ZGRF1: variants seen among roughly 807,000 people sequenced by gnomAD.
ZGRF1 encodes 5'-3' DNA helicase ZGRF1.
ZGRF1 carries 196 observed loss-of-function variants against 203.5 expected under a neutral mutation model. The observed-to-expected ratio is 0.96, with a 90% CI of 0.86 to 1.08. The LOEUF (loss-of-function observed/expected upper bound fraction) is 1.08. Among genes scored for constraint, ZGRF1 ranks in the 50% least tolerant of loss-of-function variants. ZGRF1 has a pLI of 0.00. For missense variants in ZGRF1, 2,326 were observed against 2,416.3 expected (o/e 0.96, Z 0.78); for synonymous variants, 809 against 841.3 (o/e 0.96, Z 0.66).
At chr4:112,572,460 G>T (rs934975680) in intron 16 of ZGRF1, among the ~76,000 whole-genome samples, 2 of 152,018 alleles carry the variant, frequency 1.3e-5, no homozygotes, top group Non-Finnish European at 2.9e-5. Context: ...TAGAACATCA[G>T]AAAAACCCTT....
intron 10 of ZGRF1, among the ~76,000 whole-genome samples, chr4:112,593,364 T>A (rs938783792): frequency 1.3e-5 from 2 of 152,206 alleles, no homozygotes; most frequent in Non-Finnish European, 2.9e-5. Flanking sequence ...CATCAAAGCA[T>A]TCTCTTAACT....
At chr4:112,602,877 A>C (rs1750191793) in intron 10 of ZGRF1, among the ~76,000 whole-genome samples, 1 of 152,184 alleles carries the variant, frequency 6.6e-6, no homozygotes, top group Admixed American at 6.5e-5. Context: ...TATCTTAGGG[A>C]AAAGTGAAAA....
Position 112,548,358 on chromosome 4 carries a change from C to G in ZGRF1, c.5369G>C (p.Cys1790Ser). The G allele has an allele frequency of 6.4e-7, 1 of 1,554,758 alleles. No individual in the cohort carries two copies. The highest frequency in any genetic ancestry group is 8.7e-7 in the Non-Finnish European group (1 of 1,148,570). Residue 1790 changes from cysteine to serine, a missense_variant, in exon 23 of 28, where the codon TGT (cysteine) becomes TCT (serine). Coordinates refer to ENST00000505019, the MANE Select transcript of ZGRF1 (RefSeq NM_018392.5). ...LKQVRVVGVT[C>S]AACPFPCMND... ...CATGCATGGGAATGGGCAGGCTGCA[C>G]AGGTAACTCCAACTACTCGAACCTT...
chr4:112,549,246 A>G (rs1739425968), intron 22 of ZGRF1, among the ~76,000 whole-genome samples: 1 of 152,206 alleles, frequency 6.6e-6, no homozygotes. Flanking sequence ...CAAGGCAAAA[A>G]GCTTCATAAA....
chr4:112,574,226 A>C (rs1321974812), intron 16 of ZGRF1, among the ~76,000 whole-genome samples: 2 of 152,240 alleles, frequency 1.3e-5, no homozygotes, highest in African/African-American at 2.4e-5. Flanking sequence ...CCCAAACAAC[A>C]ATGAAAACAA....
At position 112,587,636 on chromosome 4, in the gene ZGRF1, A is replaced by G. The variant is rs759864820; in HGVS notation, c.3421T>C (p.Ser1141Pro). The change falls in exon 12 of 28, where the codon TCT becomes CCT. Residue 1141 changes from serine (S) to proline (P), a missense_variant. Ser to Pro is a moderately conservative substitution (Grantham distance 74). Coordinates refer to ENST00000505019, the MANE Select transcript of ZGRF1 (RefSeq NM_018392.5). ...TATTTCAGCCACTTGCTCTGAGTAGATATATTATTAAGTGAAACATCCCCT... is the reference window on the plus strand; with the variant it reads ...TATTTCAGCCACTTGCTCTGAGTAGGTATATTATTAAGTGAAACATCCCCT... ...NPGDVSLNNI[S>P]TQSKWLKYQN... The G allele has an allele frequency of 1.9e-6, 3 of 1,613,804 alleles. No individual in the cohort carries two copies. The South Asian group carries it at 3.3e-5, about 18-fold the overall frequency.
intron 3 of ZGRF1, 67 bp from the exon 4 acceptor site, chr4:112,623,943 G>T: frequency 2.6e-6 from 2 of 780,264 alleles, no homozygotes; most frequent in South Asian, 1.6e-5. Context: ...ACTTCTTCAA[G>T]AGGAAATAAG....
chr4:112,563,345 T>C (rs906471734), intron 16 of ZGRF1, 71 bp from the exon 17 acceptor site: 1 of 1,113,800 alleles, frequency 9.0e-7, no homozygotes, highest in East Asian at 2.6e-5. Flanking sequence ...AGAAATTATA[T>C]ATATTTGCAT....
In ZGRF1 at chr4:112,617,649, T is replaced by C. The variant is rs759257187; in HGVS notation, c.2393A>G (p.His798Arg). Residue 798 changes from histidine to arginine, a missense_variant, in exon 6 of 28, where the codon CAT (histidine) becomes CGT (arginine). By Grantham distance (29) the His-to-Arg change is conservative. Coordinates refer to ENST00000505019, the MANE Select transcript of ZGRF1 (RefSeq NM_018392.5). ...LGKIRSPPPD[H>R]VEVETAREGK... ...TTCTCTGGCAGTTTCAACCTCAACA[T>C]GGTCAGGGGGTGGACTTCTAATCTT... is the stretch of plus-strand genomic sequence containing the variant. 1.9e-6 allele frequency: 3 copies of C among 1,613,752 alleles called. No individual in the cohort carries two copies. The highest frequency in any genetic ancestry group is 1.7e-6 in the Non-Finnish European group (2 of 1,179,908).
chr4:112,591,595 C>T (rs1033463436), intron 10 of ZGRF1, among the ~76,000 whole-genome samples: 1 of 152,144 alleles, frequency 6.6e-6, no homozygotes. Context: ...CACCCTCCCC[C>T]TCACTCACTC....
At chr4:112,570,601 A>G (rs1560779931) in intron 16 of ZGRF1, among the ~76,000 whole-genome samples, 1 of 152,124 alleles carries the variant, frequency 6.6e-6, no homozygotes, top group Admixed American at 6.5e-5. Context: ...ACATACATAC[A>G]TAAATTTAAT....
At chr4:112,629,439 G>C (rs534262298) in intron 3 of ZGRF1, among the ~76,000 whole-genome samples, 1 of 152,188 alleles carries the variant, frequency 6.6e-6, no homozygotes, top group Non-Finnish European at 1.5e-5. Flanking sequence ...GGGAGGCCAA[G>C]GCAGGCAGAC....
intron 7 of ZGRF1, among the ~76,000 whole-genome samples, chr4:112,609,849 A>G (rs767718923): frequency 8.6e-5 from 13 of 151,272 alleles, no homozygotes; most frequent in Non-Finnish European, 1.3e-4. Flanking sequence ...ACTAATATGA[A>G]ATAAAAACTG....
rs575051202 is a variant in ZGRF1 at position 112,571,174 on chromosome 4, G to T, written c.4439-7900C>A. On this transcript the variant is annotated intron_variant, in intron 16 of 27. Coordinates refer to ENST00000505019, the MANE Select transcript of ZGRF1 (RefSeq NM_018392.5). ...AATAATTATATTAGAGAAGAGAAAA[G>T]CCTCAAAATTAGCTAAGTATCAAGC... Among the ~76,000 whole-genome samples, 18 of 149,346 alleles carry T rather than the reference G, an allele frequency of 1.2e-4. No individual in the cohort carries two copies. The East Asian group carries it at 3.5e-3, about 29-fold the overall frequency.
chr4:112,578,115 A>T lies in ZGRF1; in HGVS notation c.4438+3548T>A, dbSNP rs2148976626. On this transcript the variant is annotated intron_variant, in intron 16 of 27. Coordinates refer to ENST00000505019, the MANE Select transcript of ZGRF1 (RefSeq NM_018392.5). ...ACAGTGCAAACCAGAACTCAGCATT[A>T]AGAAACTCACTCAAAACCACTCAAC... Among the ~76,000 whole-genome samples, 2 of 123,348 alleles carry T rather than the reference A, an allele frequency of 1.6e-5. 1 individual carries two copies. Among genetic ancestry groups the T allele is most frequent in the South Asian group, 6.0e-4 (2 of 3,306 alleles). 80.9% of individuals were successfully genotyped at this position (123,348 alleles called of 152,430 possible). A position where few individuals can be genotyped will look rare whatever the true frequency, so the allele number is the denominator to read the frequency against.
chr4:112,607,513 T>C (rs758102385), intron 8 of ZGRF1, among the ~76,000 whole-genome samples: 1 of 152,232 alleles, frequency 6.6e-6, no homozygotes, highest in Non-Finnish European at 1.5e-5. Context: ...TTTTGCAATA[T>C]GTAGTTAATT....
chr4:112,592,097 T>A (rs537837517), intron 10 of ZGRF1, among the ~76,000 whole-genome samples: 1,556 of 126,960 alleles, frequency 0.012, 29 homozygotes, highest in African/African-American at 0.039. Context: ...TCATTCATTC[T>A]TTTTTTTTTT....
intron 8 of ZGRF1, among the ~76,000 whole-genome samples, chr4:112,609,147 G>A (rs560001246): frequency 1.3e-3 from 199 of 151,444 alleles, no homozygotes; most frequent in African/African-American, 4.2e-3. Context: ...TCCGCCTCCC[G>A]GGTTCATGCC....
chr4:112,585,639 T>A lies in ZGRF1; in HGVS notation c.4003A>T (p.Lys1335Ter). 6.2e-7 allele frequency: 1 copy of A among 1,611,078 alleles called. No homozygotes were observed. The highest frequency in any genetic ancestry group is 8.5e-7 in the Non-Finnish European group (1 of 1,178,652). ...KVDISFYTSL[K>*]GEKLKNAENN... ...TCTGCGTTTTTCAGTTTCTCTCCCTTCAATGATGTATAAAATGATATGTCA... is the reference window on the plus strand; with the variant it reads ...TCTGCGTTTTTCAGTTTCTCTCCCTACAATGATGTATAAAATGATATGTCA... Residue 1335 changes from lysine to a stop codon, truncating the protein, a stop_gained, in exon 14 of 28, where the codon AAG (lysine) becomes TAG (stop). Coordinates refer to ENST00000505019, the MANE Select transcript of ZGRF1 (RefSeq NM_018392.5). LOFTEE classifies it high-confidence loss of function.
Sources: allele counts gnomAD v4.1 joint callset (sites outside exome capture counted in the v4.1 genomes callset), GRCh38; gene constraint gnomAD v4.1.1; transcripts MANE v1.5; gene names NCBI Gene and HGNC (gene_info 2026-07-23, HGNC 2026-07-21).